Variants in CNBD1 observed in about 807,000 individuals in gnomAD.
CNBD1 encodes the protein cyclic nucleotide-binding domain-containing protein 1.
In CNBD1, 71 loss-of-function variants were observed where a neutral mutation model predicts 54.4. The observed-to-expected ratio is 1.30, with a 90% confidence interval of 1.08 to 1.59. CNBD1 has a LOEUF of 1.59. Among genes scored for constraint, CNBD1 ranks in the 40% most tolerant of loss-of-function variants. The pLI is 0.00. For missense variants in CNBD1, 659 were observed against 518.0 expected (o/e 1.27, Z -2.64); for synonymous variants, 182 against 170.7 (o/e 1.07, Z -0.51).
At chr8:87,374,708 C>A (rs1336518239) in intron 10 of CNBD1, among the ~76,000 whole-genome samples, 1 of 151,736 alleles carries the variant, frequency 6.6e-6, no homozygotes, top group Admixed American at 6.6e-5. Flanking sequence ...ATGATTTTTC[C>A]ATGATCTCAC....
intron 8 of CNBD1, among the ~76,000 whole-genome samples, chr8:87,345,558 A>C (rs1810155421): frequency 6.6e-6 from 1 of 152,152 alleles, no homozygotes; most frequent in African/African-American, 2.4e-5. Flanking sequence ...CATCAACAAG[A>C]ATCAATTTTC....
At chr8:87,331,306 T>A (rs1423176819) in intron 8 of CNBD1, among the ~76,000 whole-genome samples, 1 of 152,318 alleles carries the variant, frequency 6.6e-6, no homozygotes, top group East Asian at 1.9e-4. Flanking sequence ...AGTGAGAACA[T>A]GCAGTGTTTG....
At chr8:87,022,707 C>G (rs934470196) in intron 4 of CNBD1, among the ~76,000 whole-genome samples, 2 of 152,150 alleles carry the variant, frequency 1.3e-5, no homozygotes, top group African/African-American at 4.8e-5. Context: ...GTAATGAAAT[C>G]ATCTTTGTTA....
At chr8:87,239,383 G>A (rs904738709) in intron 6 of CNBD1, among the ~76,000 whole-genome samples, 1 of 151,984 alleles carries the variant, frequency 6.6e-6, no homozygotes, top group Non-Finnish European at 1.5e-5. Flanking sequence ...GCCTTTTTGT[G>A]TATTTACTTA....
At chr8:86,965,441 C>G (rs570952897) in intron 4 of CNBD1, among the ~76,000 whole-genome samples, 1 of 152,216 alleles carries the variant, frequency 6.6e-6, no homozygotes, top group East Asian at 1.9e-4. Context: ...ATTCCCAACA[C>G]CAGAGAGTGA....
At chr8:87,094,678 A>C (rs1586252162) in intron 4 of CNBD1, among the ~76,000 whole-genome samples, 2 of 152,190 alleles carry the variant, frequency 1.3e-5, no homozygotes, top group South Asian at 4.1e-4. Context: ...AGGGAACCCA[A>C]TAATTTAATC....
At chr8:87,372,251 G>GA (rs1249399238) in intron 10 of CNBD1, among the ~76,000 whole-genome samples, 2 of 151,854 alleles carry the variant, frequency 1.3e-5, no homozygotes, top group Admixed American at 1.3e-4. Flanking sequence ...GCTTCAAAGA[G>GA]AAAAAAATAC....
intron 2 of CNBD1, among the ~76,000 whole-genome samples, chr8:87,419,975 G>A (rs1157465153): frequency 2.0e-5 from 3 of 148,946 alleles, no homozygotes; most frequent in Non-Finnish European, 4.5e-5. Context: ...TTTATTATAT[G>A]TAATATAGCA....
chr8:86,949,495 A>T (rs1194726430), intron 4 of CNBD1, among the ~76,000 whole-genome samples: 1 of 152,120 alleles, frequency 6.6e-6, no homozygotes, highest in Non-Finnish European at 1.5e-5. Context: ...ATTTAATTGT[A>T]TTCGTGGCTA....
intron 6 of CNBD1, among the ~76,000 whole-genome samples, chr8:87,276,132 T>G (rs1808475704): frequency 6.6e-6 from 1 of 151,942 alleles, no homozygotes; most frequent in Non-Finnish European, 1.5e-5. Flanking sequence ...ATATATAGTA[T>G]AGGCATTGGA....
chr8:87,426,262 C>G (rs1028696876), intron 2 of CNBD1, among the ~76,000 whole-genome samples: 1 of 152,212 alleles, frequency 6.6e-6, no homozygotes, highest in South Asian at 2.1e-4. Context: ...GATGGAAATG[C>G]AGAAATCACC....
At position 86,897,186 on chromosome 8, in the gene CNBD1, C is replaced by G. The variant is rs117946326; in HGVS notation, c.159-7895C>G. 7.3e-4 allele frequency among the ~76,000 whole-genome samples: 111 copies of G among 152,242 alleles called. 1 individual carries two copies. The East Asian group carries it at 0.019, about 25-fold the overall frequency. On this transcript the variant is annotated intron_variant, in intron 2 of 10. Coordinates refer to ENST00000518476, the MANE Select transcript of CNBD1 (RefSeq NM_173538.3). ...TGCTTAGTAATTTTTGAACAAGCTG[C>G]TCACATTTTCATTTTGCACTGGGCC...
intron 4 of CNBD1, among the ~76,000 whole-genome samples, chr8:87,066,328 G>A (rs1810652979): frequency 7.1e-6 from 1 of 140,890 alleles, no homozygotes; most frequent in South Asian, 2.1e-4. Context: ...TTATTCAGAT[G>A]TTACATAGTT....
At chr8:87,306,145 T>A (rs1384513664) in intron 8 of CNBD1, among the ~76,000 whole-genome samples, 1 of 152,074 alleles carries the variant, frequency 6.6e-6, no homozygotes, top group African/African-American at 2.4e-5. Flanking sequence ...AACAAACATA[T>A]GAAAAGATGC....
intron 3 of CNBD1, among the ~76,000 whole-genome samples, chr8:86,933,050 G>A (rs1202983508): frequency 2.6e-5 from 4 of 152,076 alleles, no homozygotes; most frequent in East Asian, 1.9e-4. Context: ...GAGAAAGGTC[G>A]GAGTGGAGGG....
intron 4 of CNBD1, among the ~76,000 whole-genome samples, chr8:87,175,757 C>T (rs912071083): frequency 6.6e-6 from 1 of 152,176 alleles, no homozygotes; most frequent in African/African-American, 2.4e-5. Context: ...TTGCCTGCCC[C>T]CCAAGCTCGC....
chr8:86,872,716 C>T lies in CNBD1; in HGVS notation c.88+6133C>T, dbSNP rs529325872. Among the ~76,000 whole-genome samples, 26 of 152,156 alleles carry T rather than the reference C, an allele frequency of 1.7e-4. No homozygotes were observed. The South Asian group carries it at 5.2e-3, about 30-fold the overall frequency. ...TTTTTTTTGTTGGCCATTCATGGGT[C>T]TTATTCTGAAAAATGTCTGTTCAGG... On this transcript the variant is annotated intron_variant, in intron 1 of 10. Transcript: ENST00000518476.
At chr8:87,336,275 A>G (rs1048037709) in intron 8 of CNBD1, among the ~76,000 whole-genome samples, 2 of 152,066 alleles carry the variant, frequency 1.3e-5, no homozygotes, top group African/African-American at 4.8e-5. Flanking sequence ...CTTCTGGATA[A>G]TATTCTGAAG....
chr8:87,140,187 G>A (rs1812343687), intron 4 of CNBD1, among the ~76,000 whole-genome samples: 1 of 151,986 alleles, frequency 6.6e-6, no homozygotes, highest in Non-Finnish European at 1.5e-5. Flanking sequence ...TATTGTGTAT[G>A]TTAAATTTCT....
Sources: gnomAD v4.1 joint callset for allele counts (sites outside exome capture counted in the v4.1 genomes callset) on GRCh38, gnomAD v4.1.1 for gene constraint, MANE v1.5 for transcripts, NCBI Gene and HGNC (gene_info 2026-07-23, HGNC 2026-07-21) for gene names.